Variants in DDX60 observed in about 807,000 individuals in gnomAD.
DDX60 encodes probable ATP-dependent RNA helicase DDX60.
DDX60 carries 165 observed loss-of-function variants against 212.8 expected under a neutral mutation model. That is an observed-to-expected ratio of 0.78 (90% CI 0.68 to 0.88). DDX60 has a LOEUF of 0.88. Among genes scored for constraint, DDX60 ranks in the 40% least tolerant of loss-of-function variants. The probability of loss-of-function intolerance (pLI) is 0.00; values close to 1 mark genes in which losing one functional copy is unlikely to be tolerated. For synonymous variants in DDX60, 703 were observed against 685.3 expected, an observed-to-expected ratio of 1.03 and a Z score of -0.40; for missense variants, 1,905 against 2,003.9, an observed-to-expected ratio of 0.95 and a Z score of 0.94.
At chr4:168,257,815 A>T (rs1210473075) in intron 25 of DDX60, among the ~76,000 whole-genome samples, 1 of 152,252 alleles carries the variant, frequency 6.6e-6, no homozygotes, top group Non-Finnish European at 1.5e-5. Context: ...CAAGCCACAT[A>T]TGTATCTGAA....
chr4:168,290,220 C>T (rs1004700581), intron 8 of DDX60, among the ~76,000 whole-genome samples: 3 of 152,148 alleles, frequency 2.0e-5, no homozygotes, highest in African/African-American at 4.8e-5. Context: ...TGCTGCTTCA[C>T]GCCCTACAAT....
At chr4:168,319,927 T>C (rs551096592), upstream of DDX60, among the ~76,000 whole-genome samples, 49 of 152,240 alleles carry the variant, frequency 3.2e-4, no homozygotes, top group Admixed American at 7.2e-4. Flanking sequence ...GAGGGGGATA[T>C]GGGGAAGGAG....
Position 168,224,353 on chromosome 4 carries a change from G to A in DDX60, c.4714C>T (p.Leu1572Phe), listed in dbSNP as rs769339815. The A allele has an allele frequency of 6.2e-7, 1 of 1,611,952 alleles. No homozygotes were observed. Among genetic ancestry groups the A allele is most frequent in the South Asian group, 1.1e-5 (1 of 91,010 alleles). Residue 1572 changes from leucine to phenylalanine, a missense_variant, in exon 35 of 38, where the codon CTC becomes TTC. By Grantham distance (22) the Leu-to-Phe change is conservative (BLOSUM62 0). Transcript: ENST00000393743. ...FTGKECEDSQ[L>F]VSHLMSCKEG... Reference sequence around the variant, plus strand: ...TTGCAGCTCATCAAATGAGATACGAGTTGAGAGTCTTCACATTCTTTACCT... The same window carrying A: ...TTGCAGCTCATCAAATGAGATACGAATTGAGAGTCTTCACATTCTTTACCT...
intron 37 of DDX60, 48 bp downstream of exon 37, chr4:168,220,603 TATAA>T (rs1733019093): frequency 9.4e-7 from 1 of 1,061,680 alleles, no homozygotes; most frequent in African/African-American, 1.7e-5. Flanking sequence ...TTTTTCAAAT[TATAA>T]ATAAATTATT....
chr4:168,279,241 C>T (rs1243391827), intron 14 of DDX60, among the ~76,000 whole-genome samples: 2 of 152,218 alleles, frequency 1.3e-5, no homozygotes, highest in Non-Finnish European at 2.9e-5. Flanking sequence ...TCTACCAATG[C>T]TTCTTCCCAG....
intron 5 of DDX60, among the ~76,000 whole-genome samples, chr4:168,302,986 A>T (rs1410481297): frequency 6.6e-6 from 1 of 152,132 alleles, no homozygotes; most frequent in Non-Finnish European, 1.5e-5. Context: ...AATAGATTTT[A>T]ACAAAAATAA....
chr4:168,257,137 C>T (rs1734444532), intron 25 of DDX60, among the ~76,000 whole-genome samples: 1 of 152,090 alleles, frequency 6.6e-6, no homozygotes, highest in Admixed American at 6.5e-5. Flanking sequence ...CCAGCCTGGA[C>T]AACACAGTGA....
intron 11 of DDX60, among the ~76,000 whole-genome samples, 179 bp from the exon 12 acceptor site, chr4:168,285,114 T>C (rs995812019): frequency 6.6e-6 from 1 of 152,222 alleles, no homozygotes; most frequent in Non-Finnish European, 1.5e-5. Context: ...ATCTACTCCA[T>C]GTCTCTAACA....
chr4:168,241,372 G>T (rs117812166), intron 30 of DDX60, among the ~76,000 whole-genome samples: 3,391 of 152,218 alleles, frequency 0.022, 212 homozygotes, highest in East Asian at 0.15. Context: ...AGTTTGGAGG[G>T]CTCAGAAGCA....
chr4:168,257,151 A>T (rs1204431080), intron 25 of DDX60, among the ~76,000 whole-genome samples: 1 of 152,212 alleles, frequency 6.6e-6, no homozygotes, highest in Non-Finnish European at 1.5e-5. Context: ...ACAGTGACAC[A>T]GAATTCAAAA....
intron 5 of DDX60, among the ~76,000 whole-genome samples, chr4:168,305,609 T>G (rs1380138356): frequency 6.7e-6 from 1 of 148,912 alleles, no homozygotes; most frequent in African/African-American, 2.4e-5. Flanking sequence ...GTAAATAAAT[T>G]TATTATAATT....
At chr4:168,259,897 T>G (rs17526705) in intron 25 of DDX60, among the ~76,000 whole-genome samples, 6,640 of 151,982 alleles carry the variant, frequency 0.044, 206 homozygotes, top group Non-Finnish European at 0.067. Flanking sequence ...TACTTTAATT[T>G]TATGTGGGAT....
intron 34 of DDX60, 127 bp downstream of exon 34, chr4:168,225,402 A>G (rs1733217604): frequency 9.9e-7 from 1 of 1,010,982 alleles, no homozygotes; most frequent in Non-Finnish European, 1.4e-6. Flanking sequence ...TAGAAAGGAA[A>G]AGGAATCTCC....
intron 6 of DDX60, among the ~76,000 whole-genome samples, chr4:168,295,952 G>A (rs558478940): frequency 1.3e-5 from 2 of 152,226 alleles, no homozygotes; most frequent in Admixed American, 6.5e-5. Flanking sequence ...AGAATCTAAC[G>A]AAGTTGAACT....
intron 33 of DDX60, among the ~76,000 whole-genome samples, chr4:168,228,189 G>A (rs1733324905): frequency 7.9e-5 from 12 of 151,964 alleles, no homozygotes; most frequent in Non-Finnish European, 1.5e-5. Flanking sequence ...AGTATTTTGT[G>A]TATCCAGATA....
At chr4:168,233,869 T>A (rs904625172) in intron 33 of DDX60, among the ~76,000 whole-genome samples, 2 of 151,760 alleles carry the variant, frequency 1.3e-5, no homozygotes, top group African/African-American at 4.8e-5. Context: ...TAAAAAAAAA[T>A]ACCAAAAAAA....
chr4:168,246,399 G>A lies in DDX60; in HGVS notation c.4164+19C>T. ...GCCAGTGATGAAGACTGAACCTCAG[G>A]CAGTGTCCAGCACGGTACCTTTGCC... On this transcript the variant is annotated intron_variant, in intron 30 of 37. Coordinates refer to ENST00000393743, the MANE Select transcript of DDX60 (RefSeq NM_017631.6). The A allele has an allele frequency of 6.2e-7, 1 of 1,613,188 alleles. No homozygotes were observed. Among genetic ancestry groups the A allele is most frequent in the Non-Finnish European group, 8.5e-7 (1 of 1,179,696 alleles).
chr4:168,299,157 C>CAAAAAAAAAAAAAAAAAA (rs1197872492), intron 6 of DDX60, among the ~76,000 whole-genome samples: 1 of 61,924 alleles, frequency 1.6e-5, no homozygotes, highest in Non-Finnish European at 2.9e-5. Context: ...GAGACTGTCT[C>CAAAAAAAAAAAAAAAAAA]AAAAAAAAAA....
intron 25 of DDX60, among the ~76,000 whole-genome samples, chr4:168,256,841 T>A (rs1734432309): frequency 6.6e-6 from 1 of 152,250 alleles, no homozygotes; most frequent in African/African-American, 2.4e-5. Flanking sequence ...TTTTTAAATC[T>A]ATGTTGTGAA....
Sources: allele counts gnomAD v4.1 joint callset (sites outside exome capture counted in the v4.1 genomes callset), GRCh38; gene constraint gnomAD v4.1.1; transcripts MANE v1.5; gene names NCBI Gene and HGNC (gene_info 2026-07-23, HGNC 2026-07-21).